CSMD3: variants seen among roughly 807,000 people sequenced by gnomAD.
CSMD3 encodes the protein CUB and sushi domain-containing protein 3.
In CSMD3, 177 loss-of-function variants were observed where a neutral mutation model predicts 435.2. That is an observed-to-expected ratio of 0.41 (90% CI 0.36 to 0.46). CSMD3 has a LOEUF of 0.46. CSMD3 is among the 20% of genes least tolerant of loss of function. CSMD3 has a pLI of 0.34. For missense variants in CSMD3, 4,265 were observed against 4,504.6 expected (o/e 0.95, Z 1.52); for synonymous variants, 1,656 against 1,520.5 (o/e 1.09, Z -2.07).
In CSMD3 at chr8:112,336,810, T is replaced by C; in HGVS notation, c.6861A>G (p.Ile2287Met). The C allele has an allele frequency of 1.2e-6, 2 of 1,613,036 alleles. No individual in the cohort carries two copies. The highest frequency in any genetic ancestry group is 1.7e-6 in the Non-Finnish European group (2 of 1,179,146). ...PRCEALCGGN[I>M]TAMNGTIYSP... Reference sequence around the variant, plus strand: ...AATAAATGGTGCCATTCATTGCAGTTATATTCCCACCACAAAGAGCTACGG... The same window carrying C: ...AATAAATGGTGCCATTCATTGCAGTCATATTCCCACCACAAAGAGCTACGG... Residue 2287 changes from isoleucine (I) to methionine (M), a missense_variant, in exon 44 of 71, where the codon ATA (isoleucine) becomes ATG (methionine). By Grantham distance (10) the Ile-to-Met change is conservative. Transcript: ENST00000297405.
At chr8:112,254,436 A>C (rs1815595235) in intron 62 of CSMD3, 110 bp from the exon 63 acceptor site, 1 of 784,728 alleles carries the variant, frequency 1.3e-6, no homozygotes, top group Non-Finnish European at 2.3e-6. Context: ...GGATCTAGGA[A>C]ATAATAAATA....
chr8:113,426,755 A>T (rs2094637918), intron 1 of CSMD3, among the ~76,000 whole-genome samples: 1 of 151,490 alleles, frequency 6.6e-6, no homozygotes, highest in Admixed American at 6.6e-5. Context: ...TACTAACAAC[A>T]ATTGGATGCA....
At chr8:112,333,324 C>T (rs762235751) in intron 45 of CSMD3, among the ~76,000 whole-genome samples, 5 of 152,150 alleles carry the variant, frequency 3.3e-5, no homozygotes, top group East Asian at 1.9e-4. Flanking sequence ...TGAACCACCA[C>T]GCCTGGCTAA....
intron 1 of CSMD3, among the ~76,000 whole-genome samples, chr8:113,366,293 T>C (rs972827812): frequency 2.0e-5 from 3 of 152,086 alleles, no homozygotes; most frequent in East Asian, 3.9e-4. Context: ...AGATATTCTT[T>C]ATAGGACACA....
chr8:113,280,533 G>C (rs960712488), intron 2 of CSMD3, among the ~76,000 whole-genome samples: 2 of 151,758 alleles, frequency 1.3e-5, no homozygotes, highest in Non-Finnish European at 2.9e-5. Flanking sequence ...TTCTTAGTGA[G>C]GTTATTTGGA....
rs537330209 is a variant in CSMD3 at position 113,259,816 on chromosome 8, G to A, written c.514+18776C>T. ...ACTAAGTGGCAGTAATTATACTCAAGGGTTGTATAAGAGCAGTGATATGGT... is the reference window on the plus strand; with the variant it reads ...ACTAAGTGGCAGTAATTATACTCAAAGGTTGTATAAGAGCAGTGATATGGT... On this transcript the variant is annotated intron_variant, in intron 3 of 70. Coordinates refer to ENST00000297405, the MANE Select transcript of CSMD3 (RefSeq NM_198123.2). Among the ~76,000 whole-genome samples the A allele has an allele frequency of 4.5e-3, 689 of 152,196 alleles. 2 individuals are homozygous for A. The highest frequency in any genetic ancestry group is 8.5e-3 in the Non-Finnish European group (579 of 68,012).
intron 16 of CSMD3, among the ~76,000 whole-genome samples, chr8:112,670,216 A>T (rs1446974369): frequency 1.3e-5 from 2 of 152,156 alleles, no homozygotes; most frequent in Non-Finnish European, 2.9e-5. Context: ...GAGGGAGGAT[A>T]TTGTAAATGA....
At chr8:112,899,684 C>CAT (rs2082055620) in intron 10 of CSMD3, among the ~76,000 whole-genome samples, 1 of 143,872 alleles carries the variant, frequency 7.0e-6, no homozygotes, top group Non-Finnish European at 1.5e-5. Flanking sequence ...CACACACACA[C>CAT]ACACACACGT....
intron 22 of CSMD3, among the ~76,000 whole-genome samples, chr8:112,630,732 T>A (rs920159454): frequency 2.6e-5 from 4 of 152,048 alleles, no homozygotes; most frequent in Non-Finnish European, 4.4e-5. Flanking sequence ...GATGATTGAA[T>A]AAGAATGATT....
At chr8:113,372,504 G>C (rs995684674) in intron 1 of CSMD3, among the ~76,000 whole-genome samples, 15 of 152,084 alleles carry the variant, frequency 9.9e-5, no homozygotes, top group African/African-American at 3.6e-4. Context: ...TCCTGATTTT[G>C]ATGCAAATGA....
intron 1 of CSMD3, among the ~76,000 whole-genome samples, chr8:113,336,697 C>G (rs956881971): frequency 6.6e-5 from 10 of 152,050 alleles, no homozygotes; most frequent in African/African-American, 2.2e-4. Context: ...TAATTGGGTG[C>G]TGGTGACCAC....
intron 32 of CSMD3, among the ~76,000 whole-genome samples, chr8:112,441,386 C>T (rs1235220282): frequency 6.6e-6 from 1 of 152,148 alleles, no homozygotes; most frequent in Non-Finnish European, 1.5e-5. Context: ...GTATTCTGAG[C>T]CTTCCCAGTT....
intron 38 of CSMD3, among the ~76,000 whole-genome samples, chr8:112,378,111 C>T (rs187947425): frequency 2.6e-5 from 4 of 152,058 alleles, no homozygotes; most frequent in African/African-American, 2.4e-5. Context: ...GATGACTCCA[C>T]GGACCACACT....
At chr8:112,696,313 G>A (rs1456057651) in intron 13 of CSMD3, among the ~76,000 whole-genome samples, 1 of 152,248 alleles carries the variant, frequency 6.6e-6, no homozygotes, top group East Asian at 1.9e-4. Context: ...CATGCTACCT[G>A]ACTTCAAACT....
intron 3 of CSMD3, among the ~76,000 whole-genome samples, chr8:113,260,681 A>G (rs59767974): frequency 0.1 from 15,852 of 152,132 alleles, 966 homozygotes; most frequent in Middle Eastern, 0.17. Context: ...ATAGGTATCC[A>G]TGTGCCATGG....
At chr8:113,164,089 G>T (rs991556237) in intron 4 of CSMD3, among the ~76,000 whole-genome samples, 1 of 151,842 alleles carries the variant, frequency 6.6e-6, no homozygotes, top group Non-Finnish European at 1.5e-5. Context: ...TTTGTTTAGG[G>T]TGTAAGAAAA....
chr8:112,518,043 C>T (rs940105328), intron 27 of CSMD3, among the ~76,000 whole-genome samples: 7 of 151,868 alleles, frequency 4.6e-5, no homozygotes, highest in South Asian at 2.1e-4. Context: ...AATGTTTAAA[C>T]GATGGTAAAT....
chr8:112,921,778 A>G (rs748765968), intron 9 of CSMD3, 27 bp from the exon 10 acceptor site: 3 of 1,569,556 alleles, frequency 1.9e-6, no homozygotes, highest in South Asian at 2.2e-5. Context: ...GAGAAAAAAT[A>G]TGATAAGAAA....
At position 112,762,709 on chromosome 8, in the gene CSMD3, T is replaced by A. The variant is rs117233496; in HGVS notation, c.1972+37453A>T. On this transcript the variant is annotated intron_variant, in intron 13 of 70. Coordinates refer to ENST00000297405, the MANE Select transcript of CSMD3 (RefSeq NM_198123.2). Reference sequence around the variant, plus strand: ...GTTAATGACATAGGAAATTACATAATCAAAGTTGTGTTTCATAAAGATAAA... The same window carrying A: ...GTTAATGACATAGGAAATTACATAAACAAAGTTGTGTTTCATAAAGATAAA... Among the ~76,000 whole-genome samples the A allele has an allele frequency of 4.8e-3, 730 of 152,008 alleles. 6 individuals carry two copies. The highest frequency in any genetic ancestry group is 8.8e-3 in the Non-Finnish European group (599 of 67,844).
Sources: allele counts gnomAD v4.1 joint callset (sites outside exome capture counted in the v4.1 genomes callset), GRCh38; gene constraint gnomAD v4.1.1; transcripts MANE v1.5; gene names NCBI Gene and HGNC (gene_info 2026-07-23, HGNC 2026-07-21).